SLC4A10: variants seen among roughly 807,000 people sequenced by gnomAD.
The protein encoded by SLC4A10 is sodium-driven chloride bicarbonate exchanger.
In SLC4A10, 42 loss-of-function variants were observed where a neutral mutation model predicts 137.7. The observed-to-expected ratio is 0.30, with a 90% confidence interval of 0.24 to 0.39. SLC4A10 has a LOEUF of 0.39. Ranked by LOEUF, SLC4A10 falls within the 10% of genes least tolerant of loss-of-function variation. The probability of loss-of-function intolerance (pLI) is 1.00; values close to 1 mark genes in which losing one functional copy is unlikely to be tolerated. For synonymous variants in SLC4A10, 474 were observed against 464.1 expected (o/e 1.02, Z -0.27); for missense variants, 925 against 1,355.0 (o/e 0.68, Z 4.98).
chr2:161,758,377 CTCA>C (rs1329739406), intron 1 of SLC4A10, among the ~76,000 whole-genome samples: 2 of 151,854 alleles, frequency 1.3e-5, no homozygotes, highest in African/African-American at 4.8e-5. Context: ...AGTTCATCTC[CTCA>C]TGTTTTATTT....
chr2:161,829,083 G>T (rs1345956304), intron 3 of SLC4A10, among the ~76,000 whole-genome samples: 6 of 151,466 alleles, frequency 4.0e-5, no homozygotes, highest in African/African-American at 1.5e-4. Context: ...ATGCTGGTGT[G>T]GCCTGACTTA....
At chr2:161,643,435 G>A (rs2035581521) in intron 1 of SLC4A10, among the ~76,000 whole-genome samples, 1 of 152,062 alleles carries the variant, frequency 6.6e-6, no homozygotes, top group Non-Finnish European at 1.5e-5. Context: ...TAAATGCTTA[G>A]TATTTTGGCT....
intron 1 of SLC4A10, among the ~76,000 whole-genome samples, chr2:161,629,570 TC>T (rs2033133532): frequency 6.6e-6 from 1 of 151,870 alleles, no homozygotes; most frequent in Non-Finnish European, 1.5e-5. Context: ...TCACCCAAAG[TC>T]CACAGTTTGC....
rs1001129851 is a variant in SLC4A10, at chr2:161,632,374, T to C, written c.48+7808T>C. Reference sequence around the variant, plus strand: ...GGGAATAAACCTCTCCAAATGCTTCTGATTTTCTCAGATACATGAATGTGG... The same window carrying C: ...GGGAATAAACCTCTCCAAATGCTTCCGATTTTCTCAGATACATGAATGTGG... On this transcript the variant is annotated intron_variant, in intron 1 of 26. Transcript: ENST00000446997. 4.6e-5 allele frequency among the ~76,000 whole-genome samples: 7 copies of C among 151,758 alleles called. No homozygotes were observed. The East Asian group carries it at 1.4e-3, about 29-fold the overall frequency.
chr2:161,799,069 A>T (rs916390644), intron 2 of SLC4A10, among the ~76,000 whole-genome samples: 2 of 151,404 alleles, frequency 1.3e-5, no homozygotes, highest in African/African-American at 4.8e-5. Context: ...CATGCTCACT[A>T]ATGTTTTCAA....
At chr2:161,978,710 G>C (rs182779822) in intron 26 of SLC4A10, among the ~76,000 whole-genome samples, 335 of 152,186 alleles carry the variant, frequency 2.2e-3, no homozygotes, top group Non-Finnish European at 2.9e-3. Flanking sequence ...CTCTCTCTCT[G>C]TGTGTCTCTC....
chr2:161,757,569 A>G (rs926108956), intron 1 of SLC4A10, among the ~76,000 whole-genome samples: 2 of 152,180 alleles, frequency 1.3e-5, no homozygotes, highest in African/African-American at 2.4e-5. Flanking sequence ...AATTTTGTAC[A>G]TAAGGAAATT....
chr2:161,652,361 C>T lies in SLC4A10; in HGVS notation c.48+27795C>T, dbSNP rs939893042. Among the ~76,000 whole-genome samples the T allele has an allele frequency of 4.6e-5, 7 of 152,230 alleles. No homozygotes were observed. The East Asian group carries it at 1.4e-3, about 29-fold the overall frequency. On this transcript the variant is annotated intron_variant, in intron 1 of 26. Coordinates refer to ENST00000446997, the MANE Select transcript of SLC4A10 (RefSeq NM_001178015.2). The stretch of plus-strand genomic sequence containing the variant: ...TATTTTCTTGCTCAAATTGTTACAG[C>T]TTTGGGCATTGGTAATTTTTTCTTG...
chr2:161,709,625 T>G (rs1257433254), intron 1 of SLC4A10: 1 of 151,638 alleles, frequency 6.6e-6, no homozygotes, highest in Non-Finnish European at 1.5e-5. Context: ...ATTTTCAAAC[T>G]GAAAATACTT....
At chr2:161,780,188 G>A (rs887790006) in intron 2 of SLC4A10, among the ~76,000 whole-genome samples, 1 of 151,974 alleles carries the variant, frequency 6.6e-6, no homozygotes, top group African/African-American at 2.4e-5. Flanking sequence ...TATTTAATTA[G>A]ATGACAAAAT....
At chr2:161,808,621 A>G (rs796712287) in intron 3 of SLC4A10, among the ~76,000 whole-genome samples, 6 of 152,188 alleles carry the variant, frequency 3.9e-5, no homozygotes, top group African/African-American at 1.2e-4. Flanking sequence ...CTTAATGTAC[A>G]TAAGTACCCA....
intron 23 of SLC4A10, among the ~76,000 whole-genome samples, chr2:161,966,161 G>GT (rs1697539031): frequency 6.6e-6 from 1 of 152,172 alleles, no homozygotes; most frequent in East Asian, 1.9e-4. Flanking sequence ...ATCAAATGAG[G>GT]TTTTTTCTTT....
In SLC4A10 at chr2:161,942,817, C is replaced by A. The variant is rs199725063; in HGVS notation, c.2023C>A (p.Pro675Thr). The A allele has an allele frequency of 1.7e-4, 270 of 1,604,810 alleles. No homozygotes were observed. Among genetic ancestry groups the A allele is most frequent in the Non-Finnish European group, 2.2e-4 (258 of 1,175,454 alleles). ...GTGTAACTGTGTGGAACCGCATAAT[C>A]CCAGCAATGGCACATTGAAGGAATG... ...YSCNCVEPHN[P>T]SNGTLKEWRE... is the part of the protein sequence containing the mutation. The change falls in exon 16 of 27, where the codon CCC becomes ACC. Residue 675 changes from proline (P) to threonine (T), a missense_variant. By Grantham distance (38) the Pro-to-Thr change is conservative (BLOSUM62 -1). Transcript: ENST00000446997.
intron 1 of SLC4A10, among the ~76,000 whole-genome samples, chr2:161,710,093 A>G (rs1333956657): frequency 6.6e-6 from 1 of 151,634 alleles, no homozygotes; most frequent in Non-Finnish European, 1.5e-5. Context: ...TTTTTAATTA[A>G]AAACACATTC....
At chr2:161,723,401 G>A (rs550437254) in intron 1 of SLC4A10, among the ~76,000 whole-genome samples, 19 of 152,114 alleles carry the variant, frequency 1.2e-4, no homozygotes, top group Admixed American at 1.2e-3. Context: ...GGGGAGCCTG[G>A]ATACTTCAGT....
chr2:161,738,710 A>G (rs896276240), intron 1 of SLC4A10, among the ~76,000 whole-genome samples: 3 of 152,168 alleles, frequency 2.0e-5, no homozygotes, highest in Non-Finnish European at 4.4e-5. Context: ...TCGTTTAGTC[A>G]TTCCTTTACC....
chr2:161,737,969 T>G (rs1398994062), intron 1 of SLC4A10, among the ~76,000 whole-genome samples: 1 of 152,184 alleles, frequency 6.6e-6, no homozygotes. Flanking sequence ...CTGCCTGACC[T>G]AGTCAGACAT....
intron 1 of SLC4A10, among the ~76,000 whole-genome samples, chr2:161,753,644 G>A (rs1261936370): frequency 6.6e-6 from 1 of 152,068 alleles, no homozygotes; most frequent in Non-Finnish European, 1.5e-5. Flanking sequence ...GGTAGTAGTA[G>A]TGATAATCTT....
At chr2:161,750,610 T>G (rs992983396) in intron 1 of SLC4A10, among the ~76,000 whole-genome samples, 4 of 151,894 alleles carry the variant, frequency 2.6e-5, no homozygotes, top group African/African-American at 9.7e-5. Flanking sequence ...GTATAATTTG[T>G]CTTCTTAAAT....
Sources: gnomAD v4.1 joint callset for allele counts (sites outside exome capture counted in the v4.1 genomes callset) on GRCh38, gnomAD v4.1.1 for gene constraint, MANE v1.5 for transcripts, NCBI Gene and HGNC (gene_info 2026-07-23, HGNC 2026-07-21) for gene names.